Variants in FYN observed in about 807,000 individuals in gnomAD.
The protein encoded by FYN is tyrosine-protein kinase Fyn.
Under a neutral mutation model 70.2 loss-of-function variants are expected in FYN, and 10 were observed. That is an observed-to-expected ratio of 0.14 (90% CI 0.09 to 0.24). The LOEUF (loss-of-function observed/expected upper bound fraction) is 0.24, where lower values mean the gene tolerates loss of function less well. Among genes scored for constraint, FYN ranks in the 10% least tolerant of loss-of-function variants. The pLI is 1.00. For missense variants in FYN, 319 were observed against 673.1 expected (o/e 0.47, Z 5.82); for synonymous variants, 236 against 248.6 (o/e 0.95, Z 0.48).
chr6:111,679,786 G>A (rs1798708009), intron 12 of FYN, among the ~76,000 whole-genome samples: 1 of 152,170 alleles, frequency 6.6e-6, no homozygotes, highest in African/African-American at 2.4e-5. Context: ...CAAAGGAAGT[G>A]TGTTCAGATC....
rs373532821 is a variant in FYN, at chr6:111,694,505, G to T, written c.1143C>A (p.Ile381=). The T allele has an allele frequency of 2.5e-6, 4 of 1,614,024 alleles. No homozygotes were observed. In the Admixed American group the frequency reaches 5.0e-5, roughly 20 times the overall value. ...AAQVAAGMAY[I]ERMNYIHRDL... Reference sequence around the variant, plus strand: ...CTCTATGGATATAATTCATGCGCTCGATGTAAGCCATTCCTGCAGCCACCT... The same window carrying T: ...CTCTATGGATATAATTCATGCGCTCTATGTAAGCCATTCCTGCAGCCACCT... Residue 381 remains isoleucine (I), a synonymous_variant, in exon 12 of 14, where the codon ATC becomes ATA. Transcript: ENST00000354650. This position sits in a 1 kb window ranked among gnomAD's most constrained non-coding sequence, Gnocchi z 5.0.
intron 5 of FYN, among the ~76,000 whole-genome samples, chr6:111,710,230 T>C (rs1800304331): frequency 6.6e-6 from 1 of 152,238 alleles, no homozygotes; most frequent in Non-Finnish European, 1.5e-5. Flanking sequence ...AAGTTAGTTC[T>C]AATTGAATTA....
In FYN at chr6:111,720,082, G is replaced by C. The variant is rs1261627591; in HGVS notation, c.-11-20C>G. On this transcript the variant is annotated intron_variant, in intron 3 of 13. Coordinates refer to ENST00000354650, the MANE Select transcript of FYN (RefSeq NM_002037.5). Reference sequence around the variant, plus strand: ...AAATTCCTGCCAAAGACAAAAAAGGGGGCACGTAAGCTGGGATGCTCCCTA... The same window carrying C: ...AAATTCCTGCCAAAGACAAAAAAGGCGGCACGTAAGCTGGGATGCTCCCTA... The C allele has an allele frequency of 6.4e-7, 1 of 1,562,840 alleles. No homozygotes were observed. The highest frequency in any genetic ancestry group is 1.2e-5 in the South Asian group (1 of 82,810).
chr6:111,838,030 C>T (rs1374398602), intron 2 of FYN, among the ~76,000 whole-genome samples: 1 of 152,148 alleles, frequency 6.6e-6, no homozygotes, highest in Non-Finnish European at 1.5e-5. Context: ...AGCCATCATG[C>T]TCACCCAACA....
intron 12 of FYN, among the ~76,000 whole-genome samples, chr6:111,678,234 A>G (rs1269503250): frequency 6.6e-6 from 1 of 151,674 alleles, no homozygotes; most frequent in African/African-American, 2.4e-5. Flanking sequence ...AGGTAAACTC[A>G]TTGCCGAAAC....
At chr6:111,751,997 G>T (rs751757176) in intron 3 of FYN, among the ~76,000 whole-genome samples, 3 of 152,148 alleles carry the variant, frequency 2.0e-5, no homozygotes, top group Non-Finnish European at 4.4e-5. Context: ...TCCTAAGCAT[G>T]TAAATCAAGG....
At chr6:111,839,562 T>C (rs1161937532) in intron 2 of FYN, among the ~76,000 whole-genome samples, 1 of 152,106 alleles carries the variant, frequency 6.6e-6, no homozygotes, top group Non-Finnish European at 1.5e-5. Context: ...TACTCTACAC[T>C]GGTCAAACCA....
intron 2 of FYN, among the ~76,000 whole-genome samples, chr6:111,792,570 C>T (rs546328586): frequency 9.2e-5 from 14 of 152,318 alleles, no homozygotes; most frequent in Non-Finnish European, 8.8e-5. Context: ...CTCAAAAGGC[C>T]ACTTACAAGA....
At chr6:111,810,377 G>A (rs1162533110) in intron 2 of FYN, among the ~76,000 whole-genome samples, 9 of 152,140 alleles carry the variant, frequency 5.9e-5, no homozygotes. Flanking sequence ...AATTACAAGT[G>A]CAATCAGTCA....
Position 111,815,535 on chromosome 6 carries a change from T to A in FYN, c.-82+31054A>T, listed in dbSNP as rs112484498. ...CTCCCTCTCTTTGTTAATAACTAAGTATACACATTTGCTGAGATTCAAAAT... is the reference window on the plus strand; with the variant it reads ...CTCCCTCTCTTTGTTAATAACTAAGAATACACATTTGCTGAGATTCAAAAT... On this transcript the variant is annotated intron_variant, in intron 2 of 13. Transcript: ENST00000354650. Among the ~76,000 whole-genome samples the A allele has an allele frequency of 4.1e-3, 628 of 152,270 alleles. 1 individual carries two copies. Among genetic ancestry groups the A allele is most frequent in the African/African-American group, 0.014 (595 of 41,556 alleles).
chr6:111,738,417 G>C (rs1801799524), intron 3 of FYN, among the ~76,000 whole-genome samples: 1 of 152,192 alleles, frequency 6.6e-6, no homozygotes, highest in South Asian at 2.1e-4. Flanking sequence ...ATCTGTTTTT[G>C]GAGTCAGGTG....
intron 2 of FYN, among the ~76,000 whole-genome samples, chr6:111,800,998 A>T (rs1771965870): frequency 6.6e-6 from 1 of 152,222 alleles, no homozygotes; most frequent in African/African-American, 2.4e-5. Context: ...ACACTTCCTT[A>T]CATTTCATCC....
At chr6:111,745,391 A>C (rs1802161332) in intron 3 of FYN, among the ~76,000 whole-genome samples, 1 of 152,188 alleles carries the variant, frequency 6.6e-6, no homozygotes, top group Non-Finnish European at 1.5e-5. Context: ...ATGGGTTCTC[A>C]GAGGATGGGC....
intron 2 of FYN, among the ~76,000 whole-genome samples, chr6:111,836,239 G>A (rs752004695): frequency 2.6e-5 from 4 of 152,166 alleles, no homozygotes; most frequent in Non-Finnish European, 4.4e-5. Flanking sequence ...GGTGAAGAAC[G>A]CTCTCAATGA....
At chr6:111,699,857 T>C (rs1033028137) in intron 9 of FYN, 19 of 674,274 alleles carry the variant, frequency 2.8e-5, no homozygotes, top group African/African-American at 3.6e-5. Flanking sequence ...GTTTATGAAT[T>C]GAGAGTCATG....
chr6:111,871,140 G>A (rs1291247904), intron 1 of FYN, among the ~76,000 whole-genome samples: 1 of 152,150 alleles, frequency 6.6e-6, no homozygotes, highest in African/African-American at 2.4e-5. Flanking sequence ...TGACAATATC[G>A]ATTAAGCATG....
rs556306950 is a variant in FYN at position 111,757,843 on chromosome 6, G to GT, written c.-12+22722dup. On this transcript the variant is annotated intron_variant, in intron 3 of 13. Transcript: ENST00000354650. ...CCCTGTACTCTTACTGTATATCCAG[G>GT]TATGTCCATCGGCATGGGGGCCTGG... Among the ~76,000 whole-genome samples the GT allele has an allele frequency of 5.8e-4, 89 of 152,264 alleles. 1 individual carries two copies. The highest frequency in any genetic ancestry group is 2.0e-3 in the African/African-American group (84 of 41,544).
chr6:111,797,433 T>C (rs1355721076), intron 2 of FYN, among the ~76,000 whole-genome samples: 1 of 151,898 alleles, frequency 6.6e-6, no homozygotes, highest in African/African-American at 2.4e-5. Context: ...AATCCTTTCA[T>C]GAAGAAATAA....
At chr6:111,756,646 G>T (rs545572226) in intron 3 of FYN, among the ~76,000 whole-genome samples, 1 of 152,244 alleles carries the variant, frequency 6.6e-6, no homozygotes, top group Admixed American at 6.5e-5. Flanking sequence ...TGCTAATAAT[G>T]CAAGGATGAT....
Sources: allele counts gnomAD v4.1 joint callset (sites outside exome capture counted in the v4.1 genomes callset), GRCh38; gene constraint gnomAD v4.1.1; non-coding constraint Gnocchi (gnomAD v3.1); transcripts MANE v1.5; gene names NCBI Gene and HGNC (gene_info 2026-07-23, HGNC 2026-07-21).